Variants in ANKFN1 observed in about 807,000 individuals in gnomAD.
ANKFN1 encodes the protein ankyrin repeat and fibronectin type-III domain-containing protein 1.
A neutral mutation model predicts 108.7 loss-of-function variants in ANKFN1; 74 were observed. The ratio of observed to expected loss-of-function variants is 0.68; its 90% CI spans 0.56 to 0.83. ANKFN1 has a LOEUF of 0.83. Ranked by LOEUF, ANKFN1 falls within the 40% of genes least tolerant of loss-of-function variation. The probability of loss-of-function intolerance (pLI) is 0.00; values close to 1 mark genes in which losing one functional copy is unlikely to be tolerated. For missense variants in ANKFN1, 1,505 were observed against 1,382.3 expected (o/e 1.09, Z -1.41); for synonymous variants, 547 against 516.2 (o/e 1.06, Z -0.81).
chr17:56,181,466 A>T (rs1308571022), intron 1 of ANKFN1, among the ~76,000 whole-genome samples: 1 of 152,194 alleles, frequency 6.6e-6, no homozygotes. Flanking sequence ...TGTTTTACAG[A>T]TGATGAAACT....
intron 1 of ANKFN1, among the ~76,000 whole-genome samples, chr17:56,165,072 T>C (rs1910024290): frequency 6.6e-6 from 1 of 152,234 alleles, no homozygotes; most frequent in Admixed American, 6.5e-5. Context: ...TCACTCCAGT[T>C]GCCTTATGAA....
At chr17:56,179,840 C>T (rs1292661795) in intron 1 of ANKFN1, among the ~76,000 whole-genome samples, 2 of 152,180 alleles carry the variant, frequency 1.3e-5, no homozygotes, top group African/African-American at 4.8e-5. Context: ...ATAAAGCATT[C>T]CTTCCTTCCT....
At chr17:56,159,625 T>A (rs1326187453) in intron 1 of ANKFN1, among the ~76,000 whole-genome samples, 2 of 152,248 alleles carry the variant, frequency 1.3e-5, no homozygotes, top group African/African-American at 2.4e-5. Context: ...ACAGTGTCCA[T>A]TGGAGACACA....
intron 4 of ANKFN1, among the ~76,000 whole-genome samples, chr17:56,047,563 A>G (rs1215233248): frequency 5.3e-5 from 8 of 152,140 alleles, no homozygotes; most frequent in Non-Finnish European, 1.2e-4. Context: ...TTGCTATGGG[A>G]CATAAAATGA....
intron 20 of ANKFN1, among the ~76,000 whole-genome samples, chr17:56,504,629 C>A (rs766364505): frequency 4.0e-5 from 6 of 151,828 alleles, no homozygotes; most frequent in Non-Finnish European, 8.8e-5. Flanking sequence ...ATATTAATAT[C>A]TTCTGTTTTT....
chr17:56,224,886 G>C (rs1738116459), intron 2 of ANKFN1: 1 of 152,240 alleles, frequency 6.6e-6, no homozygotes, highest in Non-Finnish European at 1.5e-5. Flanking sequence ...CCTTGCTACT[G>C]AATCAGGCAC....
intron 8 of ANKFN1, among the ~76,000 whole-genome samples, chr17:56,395,336 C>T (rs144913544): frequency 3.9e-4 from 59 of 152,220 alleles, no homozygotes; most frequent in African/African-American, 1.2e-3. Flanking sequence ...ACCAATCAGA[C>T]GCTGTTGTGT....
At chr17:56,059,423 C>T (rs192802314) in intron 4 of ANKFN1, among the ~76,000 whole-genome samples, 80 of 152,276 alleles carry the variant, frequency 5.3e-4, no homozygotes, top group African/African-American at 1.8e-3. Flanking sequence ...TGTGCAGAAG[C>T]TGTTTAGTTT....
Position 56,061,270 on chromosome 17 carries a change from T to TTTC in ANKFN1, c.288+14947_288+14948insCTT, listed in dbSNP as rs1555589362. ...TTTCTCTGATGGTAGTTTTTCTTTT[T>TTTC]TTTTTTTTTTTTTTTTTTGAGATGG... On this transcript the variant is annotated intron_variant, in intron 4 of 12. Coordinates refer to the ANKFN1 transcript ENST00000635860. Among the ~76,000 whole-genome samples the TTTC allele has an allele frequency of 1.5e-4, 18 of 122,502 alleles. 1 individual carries two copies. The highest frequency in any genetic ancestry group is 6.4e-4 in the African/African-American group (17 of 26,406). 80.4% of individuals were successfully genotyped at this position (122,502 alleles called of 152,430 possible). A position where few individuals can be genotyped will look rare whatever the true frequency, so the allele number is the denominator to read the frequency against.
At chr17:56,403,240 A>G (rs902837859) in intron 8 of ANKFN1, among the ~76,000 whole-genome samples, 6 of 152,036 alleles carry the variant, frequency 3.9e-5, no homozygotes, top group African/African-American at 1.2e-4. Flanking sequence ...GTTTAAATTC[A>G]TTGTTTCTTT....
At chr17:56,276,182 A>G (rs1450268455) in intron 3 of ANKFN1, among the ~76,000 whole-genome samples, 2 of 152,164 alleles carry the variant, frequency 1.3e-5, no homozygotes, top group African/African-American at 2.4e-5. Context: ...CATGTCCTGC[A>G]AAGGACATGA....
At position 56,449,071 on chromosome 17, in the gene ANKFN1, T is replaced by C. The variant is rs762980155; in HGVS notation, c.1100-8T>C. ...AATTTCACTATGTTTATTTCTTTTG[T>C]TCAATAGACTGGAAAGACTATGACG... On this transcript the variant is annotated splice_region_variant and splice_polypyrimidine_tract_variant and intron_variant, in intron 10 of 20. Coordinates refer to ENST00000682825, the MANE Select transcript of ANKFN1 (RefSeq NM_001370326.1). 7 of 1,610,612 alleles carry C rather than the reference T, an allele frequency of 4.3e-6. No individual in the cohort carries two copies. Among genetic ancestry groups the C allele is most frequent in the Non-Finnish European group, 5.9e-6 (7 of 1,177,270 alleles).
chr17:56,083,323 A>C (rs1053794051), intron 4 of ANKFN1, among the ~76,000 whole-genome samples: 4 of 151,314 alleles, frequency 2.6e-5, no homozygotes, highest in Non-Finnish European at 5.9e-5. Flanking sequence ...TATTTTGTGC[A>C]CCTATCATGT....
chr17:56,230,031 A>G (rs74647201), intron 3 of ANKFN1, among the ~76,000 whole-genome samples: 2,590 of 152,242 alleles, frequency 0.017, 80 homozygotes, highest in African/African-American at 0.06. Flanking sequence ...TGATGATTGT[A>G]TTATTCAACC....
intron 1 of ANKFN1, among the ~76,000 whole-genome samples, chr17:56,189,985 G>T (rs1354080739): frequency 3.1e-5 from 4 of 127,380 alleles, no homozygotes; most frequent in African/African-American, 9.4e-5. Flanking sequence ...GGGACAACTG[G>T]ACATCCATGT....
Position 56,456,729 on chromosome 17 carries a change from TC to T in ANKFN1, c.1208-129del, listed in dbSNP as rs2049718359. 6.9e-6 allele frequency: 5 copies of T among 721,846 alleles called. No homozygotes were observed. The South Asian group carries it at 8.6e-5, about 12-fold the overall frequency. The allele number at this position is 721,846 out of a possible 1,614,324, so 44.7% of individuals were successfully genotyped here. A position where few individuals can be genotyped will look rare whatever the true frequency, so the allele number is the denominator to read the frequency against. On this transcript the variant is annotated intron_variant, in intron 11 of 20. Coordinates refer to ENST00000682825, the MANE Select transcript of ANKFN1 (RefSeq NM_001370326.1). ...TTCTTATAGGCATGAATGAGCAGAA[TC>T]CCTACATGAACCTGAGGATAAGTGA...
At chr17:56,247,239 G>A (rs1264132309) in intron 3 of ANKFN1, among the ~76,000 whole-genome samples, 1 of 152,212 alleles carries the variant, frequency 6.6e-6, no homozygotes, top group Non-Finnish European at 1.5e-5. Context: ...ACTTGAAATG[G>A]TTCTTTGATA....
intron 8 of ANKFN1, among the ~76,000 whole-genome samples, chr17:56,413,239 T>C (rs530721777): frequency 1.8e-4 from 27 of 152,350 alleles, no homozygotes; most frequent in African/African-American, 6.0e-4. Context: ...GTTGTTGGTA[T>C]ATAGGAATGC....
chr17:56,081,937 G>A (rs1344092418), intron 4 of ANKFN1, among the ~76,000 whole-genome samples: 1 of 152,190 alleles, frequency 6.6e-6, no homozygotes, highest in Non-Finnish European at 1.5e-5. Flanking sequence ...CCGAACTCCT[G>A]AGATCTTATC....
Sources: allele counts gnomAD v4.1 joint callset (sites outside exome capture counted in the v4.1 genomes callset), GRCh38; gene constraint gnomAD v4.1.1; transcripts MANE v1.5; gene names NCBI Gene and HGNC (gene_info 2026-07-23, HGNC 2026-07-21).